The following TBCE variants were observed in gnomAD, a reference collection of about 807,000 sequenced individuals.
TBCE encodes tubulin-specific chaperone E.
A neutral mutation model predicts 77.0 loss-of-function variants in TBCE; 53 were observed. The observed-to-expected ratio is 0.69, with a 90% CI of 0.55 to 0.87. TBCE has a LOEUF of 0.87. TBCE is among the 40% of genes least tolerant of loss of function. The pLI is 0.00. For missense variants in TBCE, 624 were observed against 622.4 expected (o/e 1.00, Z -0.03); for synonymous variants, 235 against 241.3 (o/e 0.97, Z 0.24).
chr1:235,444,660 C>T (rs1682124508), intron 15 of TBCE, among the ~76,000 whole-genome samples: 1 of 152,200 alleles, frequency 6.6e-6, no homozygotes, highest in African/African-American at 2.4e-5. Flanking sequence ...CTGTCATCAC[C>T]TCCCAAAGTG....
rs530345903 is a variant in TBCE, at chr1:235,433,990, T to C, written c.661-214T>C. ...CTCCAAGGCCTCAAAGTGCCCACAG[T>C]GTGTGCTCCCACAGCATTAAAATGC... On this transcript the variant is annotated intron_variant, in intron 7 of 16. Coordinates refer to ENST00000642610, the MANE Select transcript of TBCE (RefSeq NM_003193.5). 1.3e-5 allele frequency: 8 copies of C among 595,206 alleles called. No individual in the cohort carries two copies. In the South Asian group the frequency reaches 1.4e-4, roughly 10 times the overall value. The allele number at this position is 595,206 out of a possible 1,614,324, so 36.9% of individuals were successfully genotyped here.
At chr1:235,369,164 A>G (rs1676741974) in intron 1 of TBCE, among the ~76,000 whole-genome samples, 1 of 152,060 alleles carries the variant, frequency 6.6e-6, no homozygotes, top group African/African-American at 2.4e-5. Context: ...AATCAGATTT[A>G]TGTCTTTCCT....
chr1:235,375,368 C>A (rs370614645), intron 1 of TBCE, among the ~76,000 whole-genome samples: 9 of 152,138 alleles, frequency 5.9e-5, no homozygotes, highest in Admixed American at 5.2e-4. Flanking sequence ...ATAGACCTAA[C>A]TAAGAGCAAC....
At chr1:235,412,375 A>G (rs1679864860) in intron 3 of TBCE, among the ~76,000 whole-genome samples, 2 of 146,940 alleles carry the variant, frequency 1.4e-5, no homozygotes, top group Non-Finnish European at 1.5e-5. Context: ...AACTCCAGGT[A>G]CCAGCAACCA....
chr1:235,437,781 C>T (rs1030326421), intron 12 of TBCE, among the ~76,000 whole-genome samples: 4 of 149,674 alleles, frequency 2.7e-5, no homozygotes, highest in South Asian at 4.2e-4. Flanking sequence ...GAACATGCCA[C>T]TGCACTCCAG....
At chr1:235,437,596 C>T (rs113290115) in intron 12 of TBCE, 122 bp downstream of exon 12, 23 of 1,188,480 alleles carry the variant, frequency 1.9e-5, no homozygotes, top group African/African-American at 1.8e-4. Context: ...CTGATCGCTG[C>T]AGTCCAGGAG....
intron 13 of TBCE, among the ~76,000 whole-genome samples, chr1:235,440,132 G>A (rs1158783212): frequency 7.2e-5 from 11 of 151,966 alleles, no homozygotes; most frequent in East Asian, 1.9e-4. Flanking sequence ...CACCACACCC[G>A]GCTAATTTTT....
intron 4 of TBCE, 137 bp from the exon 5 acceptor site, chr1:235,419,336 A>T: frequency 7.9e-7 from 1 of 1,258,324 alleles, no homozygotes; most frequent in East Asian, 2.5e-5. Flanking sequence ...TTTATTTCTT[A>T]ATTTGGGTGG....
At position 235,438,836 on chromosome 1, in the gene TBCE, A is replaced by G. The variant is rs376477598; in HGVS notation, c.1184A>G (p.Gln395Arg). 7 of 1,614,184 alleles carry G rather than the reference A, an allele frequency of 4.3e-6. No individual in the cohort carries two copies. In the African/African-American group the frequency reaches 6.7e-5, roughly 15 times the overall value. ...YRKAFGNEWKQAGGHKDPEKN... is the reference protein window; with the variant it reads ...YRKAFGNEWKRAGGHKDPEKN... ...AAAGCTTTTGGAAATGAGTGGAAACAGGCTGGTGGACATAAGGATCCGGAA... is the reference window on the plus strand; with the variant it reads ...AAAGCTTTTGGAAATGAGTGGAAACGGGCTGGTGGACATAAGGATCCGGAA... Residue 395 changes from glutamine to arginine, a missense_variant, in exon 13 of 17, where the codon CAG becomes CGG. Coordinates refer to ENST00000642610, the MANE Select transcript of TBCE (RefSeq NM_003193.5).
intron 5 of TBCE, among the ~76,000 whole-genome samples, chr1:235,421,847 T>G (rs1301685172): frequency 6.6e-6 from 1 of 152,234 alleles, no homozygotes; most frequent in Admixed American, 6.5e-5. Context: ...AGTTTTTTTC[T>G]GAGTGAAGAG....
intron 7 of TBCE, 22 bp downstream of exon 7, chr1:235,430,826 A>C (rs773471293): frequency 7.6e-6 from 12 of 1,577,864 alleles, no homozygotes; most frequent in Non-Finnish European, 1.0e-5. Flanking sequence ...TCTTTGTTTT[A>C]TTACACATTA....
intron 3 of TBCE, among the ~76,000 whole-genome samples, chr1:235,410,673 G>A (rs1309722569): frequency 6.6e-6 from 1 of 152,190 alleles, no homozygotes; most frequent in East Asian, 1.9e-4. Flanking sequence ...TCAAGATGGA[G>A]TTGCTCTGGT....
chr1:235,437,149 C>CAAAAA (rs933143609), intron 11 of TBCE, among the ~76,000 whole-genome samples, 173 bp from the exon 12 acceptor site: 2 of 150,922 alleles, frequency 1.3e-5, no homozygotes, highest in African/African-American at 4.9e-5. Flanking sequence ...CAAAACAAAA[C>CAAAAA]AAAAAACAAC....
chr1:235,425,994 C>T (rs545105299), intron 5 of TBCE, among the ~76,000 whole-genome samples: 2 of 152,308 alleles, frequency 1.3e-5, no homozygotes, highest in East Asian at 3.9e-4. Flanking sequence ...TCGTGATCGT[C>T]TCTCCCCGAT....
At chr1:235,384,989 G>A (rs1175640194) in intron 2 of TBCE, among the ~76,000 whole-genome samples, 1 of 151,884 alleles carries the variant, frequency 6.6e-6, no homozygotes, top group East Asian at 1.9e-4. Context: ...TGCTTTGAAT[G>A]TTGTCCCAGA....
chr1:235,400,668 G>A (rs541386614), intron 2 of TBCE, among the ~76,000 whole-genome samples: 238 of 151,638 alleles, frequency 1.6e-3, no homozygotes, highest in Non-Finnish European at 2.8e-3. Context: ...TCAAAGTGCT[G>A]GGGTTACAGG....
At chr1:235,388,635 A>G (rs1329239641) in intron 2 of TBCE, among the ~76,000 whole-genome samples, 1 of 152,158 alleles carries the variant, frequency 6.6e-6, no homozygotes, top group African/African-American at 2.4e-5. Context: ...GGTTCTTGAC[A>G]TATGTTGCCA....
At position 235,385,901 on chromosome 1, in the gene TBCE, T is replaced by C. The variant is rs559810091; in HGVS notation, c.100+5752T>C. The stretch of plus-strand genomic sequence containing the variant: ...ATTTTGCTCGTTAGTTGATGCAGTT[T>C]CTTCCAGCCTTGATGGTCTTTACAA... On this transcript the variant is annotated intron_variant, in intron 2 of 16. Coordinates refer to ENST00000642610, the MANE Select transcript of TBCE (RefSeq NM_003193.5). Among the ~76,000 whole-genome samples the C allele has an allele frequency of 1.4e-4, 22 of 152,344 alleles. No individual in the cohort carries two copies. In the East Asian group the frequency reaches 3.9e-3, roughly 27 times the overall value.
At chr1:235,388,786 G>C (rs1470182075) in intron 2 of TBCE, among the ~76,000 whole-genome samples, 2 of 152,224 alleles carry the variant, frequency 1.3e-5, no homozygotes, top group Non-Finnish European at 2.9e-5. Flanking sequence ...TTTGGGACCA[G>C]TACTCATGGA....
Sources: allele counts gnomAD v4.1 joint callset (sites outside exome capture counted in the v4.1 genomes callset), GRCh38; gene constraint gnomAD v4.1.1; transcripts MANE v1.5; gene names NCBI Gene and HGNC (gene_info 2026-07-23, HGNC 2026-07-21).